The following TAB3 variants were observed in gnomAD, a reference collection of about 807,000 sequenced individuals.
The protein encoded by TAB3 is TGF-beta-activated kinase 1 and MAP3K7-binding protein 3.
A neutral mutation model predicts 48.1 loss-of-function variants in TAB3; 18 were observed. That is an observed-to-expected ratio of 0.37 (90% CI 0.26 to 0.55). The LOEUF is 0.55. Ranked by LOEUF, TAB3 falls within the 20% of genes least tolerant of loss-of-function variation. The pLI is 0.78. For synonymous variants in TAB3, 185 were observed against 190.2 expected (o/e 0.97, Z 0.22); for missense variants, 414 against 549.8 (o/e 0.75, Z 2.47).
rs1180637961 is a variant in TAB3, at chrX:30,829,433, T to TAA, written c.*1992_*1993dup. 1 of 111,850 alleles carries TAA rather than the reference T, an allele frequency of 8.9e-6. No homozygotes were observed. The highest frequency in any genetic ancestry group is 1.9e-5 in the Non-Finnish European group (1 of 53,167). 9.2% of individuals were successfully genotyped at this position (111,850 alleles called of 1,213,427 possible). A position where few individuals can be genotyped will look rare whatever the true frequency, so the allele number is the denominator to read the frequency against. On this transcript the variant is annotated 3_prime_UTR_variant, in exon 11 of 11. Coordinates refer to ENST00000288422, the MANE Select transcript of TAB3 (RefSeq NM_152787.5). ...AAAACCAAGTGGGGTTGACCATCAC[T>TAA]AAAGAGATATGAAACCATACAAAGG...
intron 1 of TAB3, among the ~76,000 whole-genome samples, chrX:30,885,326 G>C (rs1940101029): frequency 8.9e-6 from 1 of 112,219 alleles, no homozygotes; most frequent in African/African-American, 3.2e-5. Flanking sequence ...TGTCCAAAAG[G>C]TTACAGAAGT....
intron 1 of TAB3, among the ~76,000 whole-genome samples, chrX:30,876,233 T>TAC (rs900199752): frequency 4.8e-4 from 53 of 111,543 alleles, no homozygotes; most frequent in African/African-American, 1.6e-3. Context: ...TAAGCAGATG[T>TAC]ACACACACAC....
chrX:30,856,344 A>G (rs1444674971), intron 5 of TAB3, among the ~76,000 whole-genome samples: 1 of 112,228 alleles, frequency 8.9e-6, no homozygotes, highest in Non-Finnish European at 1.9e-5. Flanking sequence ...TTTCAAAATC[A>G]CTGAAAGATT....
chrX:30,888,871 A>G (rs1601853209), intron 1 of TAB3, among the ~76,000 whole-genome samples: 1 of 109,144 alleles, frequency 9.2e-6, no homozygotes, highest in South Asian at 3.9e-4. Context: ...CACCCCAGCC[A>G]CTCCCTCTCC....
At chrX:30,857,447 T>A (rs1368557311) in intron 5 of TAB3, among the ~76,000 whole-genome samples, 1 of 111,124 alleles carries the variant, frequency 9.0e-6, no homozygotes, top group Non-Finnish European at 1.9e-5. Flanking sequence ...CTTTTTTTTT[T>A]TATAGACCTA....
chrX:30,848,635 G>C (rs1350856977), intron 7 of TAB3, among the ~76,000 whole-genome samples: 2 of 111,695 alleles, frequency 1.8e-5, no homozygotes. Flanking sequence ...TATGGCTTCT[G>C]ATTAAACTGA....
In TAB3 at chrX:30,843,155, G is replaced by A. The variant is rs770920914; in HGVS notation, c.1805-106C>T. ...ATAAAACACATAAGAAGGGAAAAATGTTTTCCAGGATTTCAAAATTCATTA... is the reference window on the plus strand; with the variant it reads ...ATAAAACACATAAGAAGGGAAAAATATTTTCCAGGATTTCAAAATTCATTA... On this transcript the variant is annotated intron_variant, in intron 8 of 10. Coordinates refer to ENST00000288422, the MANE Select transcript of TAB3 (RefSeq NM_152787.5). 5.5e-4 allele frequency: 249 copies of A among 455,509 alleles called. 4 individuals are homozygous for A. In the South Asian group the frequency reaches 0.01, roughly 19 times the overall value. 37.5% of individuals were successfully genotyped at this position (455,509 alleles called of 1,213,427 possible). A position where few individuals can be genotyped will look rare whatever the true frequency, so the allele number is the denominator to read the frequency against.
At chrX:30,854,061 G>A (rs1032212105) in intron 6 of TAB3, 55 bp downstream of exon 6, 1 of 1,112,974 alleles carries the variant, frequency 9.0e-7, no homozygotes, top group African/African-American at 1.8e-5. Context: ...ATATTTGAAT[G>A]GGAGACTGCT....
At chrX:30,882,132 T>C (rs73454186) in intron 1 of TAB3, among the ~76,000 whole-genome samples, 1,579 of 111,880 alleles carry the variant, frequency 0.014, 18 homozygotes, top group African/African-American at 0.049. Context: ...AGAGTAACAA[T>C]GGCACCTGTT....
chrX:30,838,851 C>A (rs1407327145), intron 9 of TAB3, among the ~76,000 whole-genome samples: 1 of 112,095 alleles, frequency 8.9e-6, no homozygotes, highest in African/African-American at 3.2e-5. Flanking sequence ...TATATATTGA[C>A]TTTGCATCCT....
At chrX:30,839,953 T>TA (rs1461405292) in intron 9 of TAB3, among the ~76,000 whole-genome samples, 2 of 100,043 alleles carry the variant, frequency 2.0e-5, no homozygotes, top group Non-Finnish European at 4.0e-5. Flanking sequence ...TAATATATAT[T>TA]AAAAAAACAC....
intron 1 of TAB3, among the ~76,000 whole-genome samples, chrX:30,885,516 A>G (rs191419510): frequency 2.7e-5 from 3 of 111,760 alleles, no homozygotes; most frequent in Non-Finnish European, 3.8e-5. Context: ...GGCTTCCACT[A>G]TGAAGGAGGG....
chrX:30,836,180 G>A (rs1230301333), intron 9 of TAB3: 2 of 111,873 alleles, frequency 1.8e-5, no homozygotes, highest in African/African-American at 6.5e-5. Context: ...AGTTTTAACA[G>A]AAGAAGATAA....
chrX:30,865,166 A>G lies in TAB3; in HGVS notation c.-91+1949T>C, dbSNP rs1403592579. On this transcript the variant is annotated intron_variant, in intron 4 of 10. Transcript: ENST00000288422. Reference sequence around the variant, plus strand: ...GAGCACAAGAATTCCTCGTCATGCAAGACTATCCCAGGCAATGAAAGGTAT... The same window carrying G: ...GAGCACAAGAATTCCTCGTCATGCAGGACTATCCCAGGCAATGAAAGGTAT... 2.7e-5 allele frequency among the ~76,000 whole-genome samples: 3 copies of G among 112,101 alleles called. No individual in the cohort carries two copies. In the Admixed American group the frequency reaches 2.8e-4, roughly 11 times the overall value.
At chrX:30,834,014 G>C (rs1185864683) in intron 10 of TAB3, 37 bp downstream of exon 10, 17 of 1,118,270 alleles carry the variant, frequency 1.5e-5, no homozygotes, top group Non-Finnish European at 2.0e-5. Flanking sequence ...TGTGTCTTTG[G>C]ACATTCTGCA....
At chrX:30,873,479 C>T (rs1939726501) in intron 1 of TAB3, among the ~76,000 whole-genome samples, 1 of 103,255 alleles carries the variant, frequency 9.7e-6, no homozygotes, top group African/African-American at 3.6e-5. Flanking sequence ...GAGCGGAGAT[C>T]GCGCCACAGC....
At position 30,847,090 on chromosome X, in the gene TAB3, A is replaced by G. The variant is rs1294816332; in HGVS notation, c.1711-446T>C. Among the ~76,000 whole-genome samples the G allele has an allele frequency of 2.7e-5, 3 of 111,483 alleles. No homozygotes were observed. In the Admixed American group the frequency reaches 2.9e-4, roughly 11 times the overall value. ...ATTCTCTCATTCCTTCTTCTTAACA[A>G]TCCTTTAAGGTAGGTACTAATATTG... On this transcript the variant is annotated intron_variant, in intron 7 of 10. Transcript: ENST00000288422.
At position 30,868,613 on chromosome X, in the gene TAB3, A is replaced by AGG. The variant is rs1569222234; in HGVS notation, c.-279-1065_-279-1064insCC. Among the ~76,000 whole-genome samples, 38 of 68,019 alleles carry AGG rather than the reference A, an allele frequency of 5.6e-4. 8 individuals are homozygous for AGG. The highest frequency in any genetic ancestry group is 2.8e-3 in the African/African-American group (37 of 13,310). 59.1% of individuals were successfully genotyped at this position (68,019 alleles called of 115,157 possible). On this transcript the variant is annotated intron_variant, in intron 2 of 10. Coordinates refer to ENST00000288422, the MANE Select transcript of TAB3 (RefSeq NM_152787.5). ...GAGAGAGAGAGAGAGAGAGAGAGAG[A>AGG]GAGAGCGCGTGGGGGGGAGAGACAG... is the stretch of plus-strand genomic sequence containing the variant.
rs753101447 is a variant in TAB3, at chrX:30,840,136, G to A, written c.1888+2830C>T. ...TAACCCATCTTTCACTTTTGATTGT[G>A]GTAATTTGTGTTCTCTTTTTTTACA... is the stretch of plus-strand genomic sequence containing the variant. On this transcript the variant is annotated intron_variant, in intron 9 of 10. Transcript: ENST00000288422. Among the ~76,000 whole-genome samples the A allele has an allele frequency of 4.6e-5, 5 of 108,446 alleles. No individual in the cohort carries two copies. The South Asian group carries it at 2.0e-3, about 43-fold the overall frequency. The allele number at this position is 108,446 out of a possible 115,157, so 94.2% of individuals were successfully genotyped here.
Sources: allele counts gnomAD v4.1 joint callset (sites outside exome capture counted in the v4.1 genomes callset), GRCh38; gene constraint gnomAD v4.1.1; transcripts MANE v1.5; gene names NCBI Gene and HGNC (gene_info 2026-07-23, HGNC 2026-07-21).